The following HPSE2 variants were observed in gnomAD, a reference collection of about 807,000 sequenced individuals.
The protein encoded by HPSE2 is heparanase 2 (inactive).
In HPSE2, 38 loss-of-function variants were observed where a neutral mutation model predicts 60.5. The ratio of observed to expected loss-of-function variants is 0.63; its 90% CI spans 0.48 to 0.82. The LOEUF is 0.82. Ranked by LOEUF, HPSE2 falls within the 40% of genes least tolerant of loss-of-function variation. The pLI is 0.00. For missense variants in HPSE2, 713 were observed against 740.4 expected (o/e 0.96, Z 0.43); for synonymous variants, 295 against 293.2 (o/e 1.01, Z -0.06).
chr10:98,923,208 A>G (rs1043915853), intron 3 of HPSE2, among the ~76,000 whole-genome samples: 4 of 152,292 alleles, frequency 2.6e-5, no homozygotes, highest in Non-Finnish European at 4.4e-5. Context: ...AGCACTTTAA[A>G]TATCTCATGC....
intron 3 of HPSE2, among the ~76,000 whole-genome samples, chr10:99,115,214 G>A (rs946069073): frequency 6.0e-5 from 9 of 149,802 alleles, no homozygotes; most frequent in South Asian, 2.1e-4. Flanking sequence ...GTGCAGTGGC[G>A]CCATCTCGGC....
chr10:99,298,472 A>T, the HPSE2 span, among the ~76,000 whole-genome samples: 1 of 152,370 alleles, frequency 6.6e-6, no homozygotes, highest in African/African-American at 2.4e-5. Context: ...TCTTTTAGAC[A>T]ACTGGAGTTA....
chr10:98,847,180 C>A (rs1952054658), intron 3 of HPSE2, among the ~76,000 whole-genome samples: 1 of 152,178 alleles, frequency 6.6e-6, no homozygotes, highest in Non-Finnish European at 1.5e-5. Flanking sequence ...TATATGAATG[C>A]TGCATAAAGA....
chr10:99,177,358 G>A (rs946249209), intron 2 of HPSE2, among the ~76,000 whole-genome samples: 8 of 152,092 alleles, frequency 5.3e-5, no homozygotes, highest in African/African-American at 1.7e-4. Flanking sequence ...CCATCAGTGT[G>A]CTGTATTCAG....
chr10:99,251,852 C>A, the HPSE2 span, among the ~76,000 whole-genome samples: 6 of 115,358 alleles, frequency 5.2e-5, no homozygotes, highest in Non-Finnish European at 5.1e-5. Flanking sequence ...TAGTGAGATA[C>A]TCTCTCTACC....
In HPSE2 at chr10:99,111,315, TA is replaced by T. The variant is rs1844449056; in HGVS notation, c.610+32922del. Reference sequence around the variant, plus strand: ...ATTCTAGTTCTTTTGTCTTTCCATATACACTTTTATAAGTGAATTCATAATT... The same window carrying T: ...ATTCTAGTTCTTTTGTCTTTCCATATCACTTTTATAAGTGAATTCATAATT... On this transcript the variant is annotated intron_variant, in intron 3 of 11. Transcript: ENST00000370552. Among the ~76,000 whole-genome samples the T allele has an allele frequency of 2.0e-5, 3 of 152,206 alleles. No individual in the cohort carries two copies. In the South Asian group the frequency reaches 6.2e-4, roughly 32 times the overall value.
intron 3 of HPSE2, among the ~76,000 whole-genome samples, chr10:98,868,599 T>G (rs1355656749): frequency 6.6e-6 from 1 of 152,128 alleles, no homozygotes; most frequent in Non-Finnish European, 1.5e-5. Context: ...TGTACCAAAA[T>G]ATCTCATGTA....
intron 9 of HPSE2, among the ~76,000 whole-genome samples, chr10:98,577,594 T>C (rs762903174): frequency 2.6e-5 from 4 of 152,236 alleles, no homozygotes; most frequent in Non-Finnish European, 4.4e-5. Context: ...TATTAAAACT[T>C]TGGAGAGGTA....
intron 2 of HPSE2, among the ~76,000 whole-genome samples, chr10:99,181,741 T>C (rs1473879207): frequency 6.6e-6 from 1 of 151,838 alleles, no homozygotes; most frequent in African/African-American, 2.4e-5. Flanking sequence ...GGTGGGGAGC[T>C]AGGAGAGGTA....
intron 2 of HPSE2, among the ~76,000 whole-genome samples, chr10:99,144,743 T>A (rs1845987382): frequency 6.6e-6 from 1 of 152,176 alleles, no homozygotes. Context: ...TGGGAAAAAG[T>A]ATTATAATAC....
intron 9 of HPSE2, among the ~76,000 whole-genome samples, chr10:98,597,698 G>T (rs559343594): frequency 6.8e-6 from 1 of 148,094 alleles, no homozygotes; most frequent in South Asian, 2.2e-4. Context: ...TTGCTCATCC[G>T]CATGTGTTGA....
At chr10:98,964,759 G>A (rs909183492) in intron 3 of HPSE2, among the ~76,000 whole-genome samples, 2 of 152,114 alleles carry the variant, frequency 1.3e-5, no homozygotes, top group African/African-American at 4.8e-5. Flanking sequence ...TCAAGTTCTA[G>A]TCATATCTTC....
chr10:98,767,971 T>A (rs1044703178), intron 3 of HPSE2, among the ~76,000 whole-genome samples: 3 of 150,044 alleles, frequency 2.0e-5, no homozygotes, highest in African/African-American at 7.3e-5. Context: ...ATAATAGTGA[T>A]ACATTAAAAA....
At position 99,102,519 on chromosome 10, in the gene HPSE2, C is replaced by T. The variant is rs183441051; in HGVS notation, c.610+41719G>A. 4.9e-3 allele frequency among the ~76,000 whole-genome samples: 751 copies of T among 152,220 alleles called. 8 individuals are homozygous for T. Among genetic ancestry groups the T allele is most frequent in the Non-Finnish European group, 7.2e-3 (489 of 68,010 alleles). On this transcript the variant is annotated intron_variant, in intron 3 of 11. Transcript: ENST00000370552. Reference sequence around the variant, plus strand: ...CCTACCAACCAAAAAAAGGCCAGGACCAGATGGATTCACAGCCGAATTCTA... The same window carrying T: ...CCTACCAACCAAAAAAAGGCCAGGATCAGATGGATTCACAGCCGAATTCTA...
intron 9 of HPSE2, among the ~76,000 whole-genome samples, chr10:98,547,494 T>C (rs1215638833): frequency 6.7e-6 from 1 of 149,454 alleles, no homozygotes; most frequent in South Asian, 2.2e-4. Context: ...GATGAGTTCA[T>C]GTCCTTTGTA....
chr10:98,475,408 C>T lies in HPSE2; in HGVS notation c.1613+7228G>A, dbSNP rs559422809. On this transcript the variant is annotated intron_variant, in intron 11 of 11. Coordinates refer to ENST00000370552, the MANE Select transcript of HPSE2 (RefSeq NM_021828.5). ...TGCTGGGATTACAGGCGTGAGCCAC[C>T]GTGCCCAGCCCGGGACCATAATTCT... 2.5e-4 allele frequency among the ~76,000 whole-genome samples: 38 copies of T among 152,272 alleles called. 2 individuals are homozygous for T. The South Asian group carries it at 6.4e-3, about 26-fold the overall frequency.
At chr10:98,474,555 G>A (rs1054766657) in intron 11 of HPSE2, among the ~76,000 whole-genome samples, 1 of 152,050 alleles carries the variant, frequency 6.6e-6, no homozygotes, top group African/African-American at 2.4e-5. Context: ...AGATGCCAAT[G>A]TTTTTCTTTG....
chr10:99,150,196 T>A (rs1846207843), intron 2 of HPSE2, among the ~76,000 whole-genome samples: 1 of 152,224 alleles, frequency 6.6e-6, no homozygotes, highest in Admixed American at 6.5e-5. Context: ...CATCTAGGTA[T>A]AAAAGCATTT....
At chr10:98,612,255 A>G (rs77555097) in intron 9 of HPSE2, among the ~76,000 whole-genome samples, 5,618 of 152,324 alleles carry the variant, frequency 0.037, 366 homozygotes, top group African/African-American at 0.13. Flanking sequence ...TACCATAAGA[A>G]ACAGTGTAGT....
Sources: gnomAD v4.1 joint callset for allele counts (sites outside exome capture counted in the v4.1 genomes callset) on GRCh38, gnomAD v4.1.1 for gene constraint, MANE v1.5 for transcripts, NCBI Gene and HGNC (gene_info 2026-07-23, HGNC 2026-07-21) for gene names.